LRBA: variants seen among roughly 807,000 people sequenced by gnomAD.
LRBA encodes lipopolysaccharide-responsive and beige-like anchor protein.
LRBA carries 176 observed loss-of-function variants against 330.0 expected under a neutral mutation model. The ratio of observed to expected loss-of-function variants is 0.53; its 90% CI spans 0.47 to 0.60. The LOEUF (loss-of-function observed/expected upper bound fraction) is 0.60, where lower values mean the gene tolerates loss of function less well. LRBA is among the 20% of genes least tolerant of loss of function. The pLI is 0.00. For missense variants in LRBA, 3,259 were observed against 3,444.8 expected (o/e 0.95, Z 1.35); for synonymous variants, 1,230 against 1,193.0 (o/e 1.03, Z -0.64).
chr4:150,325,926 G>A (rs1733194364), intron 48 of LRBA, 28 bp from the exon 49 acceptor site: 1 of 1,255,664 alleles, frequency 8.0e-7, no homozygotes, highest in Non-Finnish European at 1.2e-6. Context: ...AAGTCTGAAG[G>A]TTAAGAGGTG....
intron 22 of LRBA, among the ~76,000 whole-genome samples, chr4:150,859,636 G>C (rs1272607232): frequency 6.6e-6 from 1 of 152,164 alleles, no homozygotes; most frequent in Non-Finnish European, 1.5e-5. Context: ...TGCTGGAGGA[G>C]AGGCATATAG....
intron 50 of LRBA, among the ~76,000 whole-genome samples, chr4:150,319,284 T>A (rs1732155504): frequency 6.6e-6 from 1 of 152,122 alleles, no homozygotes; most frequent in Non-Finnish European, 1.5e-5. Flanking sequence ...TCACATCTGA[T>A]GTCACTCTGT....
At chr4:150,939,935 A>G (rs1735487519) in intron 2 of LRBA, among the ~76,000 whole-genome samples, 1 of 152,206 alleles carries the variant, frequency 6.6e-6, no homozygotes, top group African/African-American at 2.4e-5. Context: ...TCAATATATC[A>G]AGGTAACACA....
chr4:150,416,634 T>TAAAAA (rs57095412), intron 46 of LRBA, among the ~76,000 whole-genome samples: 1 of 142,522 alleles, frequency 7.0e-6, no homozygotes. Flanking sequence ...ACTGAACAAT[T>TAAAAA]AAAAAAAAAA....
At chr4:150,940,929 T>A (rs1211072317) in intron 2 of LRBA, among the ~76,000 whole-genome samples, 1 of 152,028 alleles carries the variant, frequency 6.6e-6, no homozygotes, top group African/African-American at 2.4e-5. Flanking sequence ...TTATTATAAT[T>A]TTCTAAATTT....
chr4:150,964,426 G>T (rs963782432), intron 2 of LRBA, among the ~76,000 whole-genome samples: 2 of 149,724 alleles, frequency 1.3e-5, no homozygotes, highest in Non-Finnish European at 2.9e-5. Flanking sequence ...GATTGTTATT[G>T]TGTCTGTGTG....
intron 37 of LRBA, among the ~76,000 whole-genome samples, chr4:150,637,046 G>A (rs1220899499): frequency 3.3e-5 from 5 of 151,792 alleles, no homozygotes; most frequent in African/African-American, 7.3e-5. Flanking sequence ...GTAATTTTTT[G>A]TTCTTCTTTT....
intron 44 of LRBA, among the ~76,000 whole-genome samples, chr4:150,458,280 C>T (rs1449491439): frequency 6.6e-6 from 1 of 151,784 alleles, no homozygotes; most frequent in African/African-American, 2.4e-5. Context: ...CCTGTAAATG[C>T]CTTATAACAT....
At chr4:150,954,358 A>G (rs1020864836) in intron 2 of LRBA, among the ~76,000 whole-genome samples, 3 of 152,328 alleles carry the variant, frequency 2.0e-5, no homozygotes, top group African/African-American at 4.8e-5. Context: ...AAGAGGGATC[A>G]GATTGTTACT....
intron 2 of LRBA, among the ~76,000 whole-genome samples, chr4:150,994,827 CAA>C (rs1331799332): frequency 6.6e-6 from 1 of 152,030 alleles, no homozygotes; most frequent in Non-Finnish European, 1.5e-5. Flanking sequence ...AATATTAAAA[CAA>C]AAATAGTATT....
intron 29 of LRBA, among the ~76,000 whole-genome samples, chr4:150,830,023 G>A (rs576797516): frequency 6.6e-6 from 1 of 152,042 alleles, no homozygotes. Context: ...GAATCTGACT[G>A]CCTCTCACCA....
intron 17 of LRBA, among the ~76,000 whole-genome samples, chr4:150,892,647 C>A (rs1274908778): frequency 6.6e-6 from 1 of 152,136 alleles, no homozygotes; most frequent in Non-Finnish European, 1.5e-5. Flanking sequence ...CACACAAATA[C>A]AATGTTGAGT....
intron 40 of LRBA, among the ~76,000 whole-genome samples, chr4:150,537,022 A>T (rs1764726216): frequency 1.3e-5 from 2 of 152,268 alleles, no homozygotes; most frequent in South Asian, 4.1e-4. Flanking sequence ...TGAATAGCCA[A>T]AACAATCCTA....
intron 31 of LRBA, among the ~76,000 whole-genome samples, chr4:150,812,096 A>G (rs994636711): frequency 6.6e-6 from 1 of 152,182 alleles, no homozygotes; most frequent in African/African-American, 2.4e-5. Flanking sequence ...ATTTCACACT[A>G]GGTTGTCCTC....
intron 28 of LRBA, among the ~76,000 whole-genome samples, chr4:150,837,145 CTG>C (rs1748234833): frequency 6.6e-6 from 1 of 152,204 alleles, no homozygotes; most frequent in Non-Finnish European, 1.5e-5. Flanking sequence ...TTTGATTGCA[CTG>C]TGGTCGGAGA....
chr4:150,842,308 A>G (rs138205152), intron 28 of LRBA, among the ~76,000 whole-genome samples: 173 of 152,276 alleles, frequency 1.1e-3, no homozygotes, highest in African/African-American at 3.9e-3. Context: ...TTGTTTGTTT[A>G]TGAGACAGGG....
At chr4:150,362,044 T>A (rs1397350247) in intron 47 of LRBA, among the ~76,000 whole-genome samples, 2 of 152,162 alleles carry the variant, frequency 1.3e-5, no homozygotes, top group Non-Finnish European at 2.9e-5. Context: ...AGTGCTGGGA[T>A]TACAGGCATG....
chr4:150,330,297 A>T (rs1733821324), intron 48 of LRBA, among the ~76,000 whole-genome samples: 1 of 152,160 alleles, frequency 6.6e-6, no homozygotes, highest in Admixed American at 6.5e-5. Flanking sequence ...TCCTCTCTAG[A>T]AAACCCTGTT....
chr4:150,399,011 T>C (rs367603475), intron 47 of LRBA, among the ~76,000 whole-genome samples: 16 of 152,160 alleles, frequency 1.1e-4, no homozygotes, highest in African/African-American at 3.6e-4. Flanking sequence ...GAAAATTAAA[T>C]TGCAAAGAAA....
Sources: gnomAD v4.1 joint callset for allele counts (sites outside exome capture counted in the v4.1 genomes callset) on GRCh38, gnomAD v4.1.1 for gene constraint, MANE v1.5 for transcripts, NCBI Gene and HGNC (gene_info 2026-07-23, HGNC 2026-07-21) for gene names.